ATP8B4: variants seen among roughly 807,000 people sequenced by gnomAD.
The protein encoded by ATP8B4 is probable phospholipid-transporting ATPase IM.
In ATP8B4, 133 loss-of-function variants were observed where a neutral mutation model predicts 145.6. The observed-to-expected ratio is 0.91, with a 90% CI of 0.79 to 1.05. ATP8B4 has a LOEUF of 1.05. ATP8B4 is among the 50% of genes least tolerant of loss of function. The pLI, the probability that ATP8B4 is intolerant of heterozygous loss-of-function variation, is 0.00. For synonymous variants in ATP8B4, 507 were observed against 492.9 expected (o/e 1.03, Z -0.38); for missense variants, 1,458 against 1,425.2 (o/e 1.02, Z -0.37).
chr15:50,063,955 T>C (rs928656236), intron 3 of ATP8B4, among the ~76,000 whole-genome samples: 2 of 151,964 alleles, frequency 1.3e-5, no homozygotes, highest in Non-Finnish European at 2.9e-5. Flanking sequence ...GATGGAAAAA[T>C]TACCTAATGA....
chr15:49,883,428 T>C (rs1005354215), intron 23 of ATP8B4: 2 of 152,096 alleles, frequency 1.3e-5, no homozygotes, highest in Non-Finnish European at 2.9e-5. Context: ...AAAATCAGAG[T>C]AAGGTTTCAA....
chr15:49,972,422 T>C (rs538651684), intron 13 of ATP8B4, among the ~76,000 whole-genome samples, 160 bp downstream of exon 13: 1 of 152,304 alleles, frequency 6.6e-6, no homozygotes, highest in South Asian at 2.1e-4. Flanking sequence ...GAATTTATCA[T>C]CTGCCAAGCA....
chr15:49,960,011 A>T (rs1445061847), intron 14 of ATP8B4, among the ~76,000 whole-genome samples: 1 of 150,840 alleles, frequency 6.6e-6, no homozygotes, highest in Non-Finnish European at 1.5e-5. Flanking sequence ...TAGAGCCTTG[A>T]GCCTTGTCAA....
intron 25 of ATP8B4, among the ~76,000 whole-genome samples, chr15:49,875,912 G>A (rs1443639112): frequency 6.6e-6 from 1 of 152,034 alleles, no homozygotes; most frequent in African/African-American, 2.4e-5. Flanking sequence ...TTTAAAACCT[G>A]GCAGTTATTA....
At chr15:50,085,141 T>C (rs2054814988) in intron 2 of ATP8B4, among the ~76,000 whole-genome samples, 1 of 152,102 alleles carries the variant, frequency 6.6e-6, no homozygotes, top group Admixed American at 6.5e-5. Flanking sequence ...ATCTACCCCA[T>C]TACCTCCCTG....
chr15:50,058,314 A>G (rs1213236562), intron 3 of ATP8B4, among the ~76,000 whole-genome samples: 1 of 152,172 alleles, frequency 6.6e-6, no homozygotes, highest in Admixed American at 6.5e-5. Context: ...GGCTTGTTCA[A>G]GCCCATTTCC....
At chr15:50,133,923 C>A (rs1179684203) in intron 1 of ATP8B4, among the ~76,000 whole-genome samples, 4 of 151,998 alleles carry the variant, frequency 2.6e-5, no homozygotes, top group African/African-American at 7.2e-5. Flanking sequence ...ATCGCTGAGG[C>A]CAGGAGCTTA....
intron 6 of ATP8B4, among the ~76,000 whole-genome samples, chr15:50,031,086 A>T (rs1187162054): frequency 5.3e-5 from 8 of 152,226 alleles, no homozygotes; most frequent in African/African-American, 1.9e-4. Context: ...GTTTTGAAGC[A>T]CTATTACTGT....
chr15:49,870,720 G>A (rs534806928), intron 25 of ATP8B4, among the ~76,000 whole-genome samples: 3 of 152,272 alleles, frequency 2.0e-5, no homozygotes, highest in African/African-American at 7.2e-5. Context: ...TAGCATCCAT[G>A]GTTACAAACA....
chr15:50,043,910 G>A (rs545817139), intron 5 of ATP8B4, among the ~76,000 whole-genome samples: 6 of 146,856 alleles, frequency 4.1e-5, no homozygotes, highest in South Asian at 2.1e-4. Flanking sequence ...CCGAGATTGC[G>A]CCACTGCAGT....
At chr15:50,170,586 A>C (rs1276933242) in intron 1 of ATP8B4, among the ~76,000 whole-genome samples, 1 of 150,406 alleles carries the variant, frequency 6.6e-6, no homozygotes, top group Non-Finnish European at 1.5e-5. Context: ...TCTTTAAAGC[A>C]TAAATCACAC....
intron 2 of ATP8B4, among the ~76,000 whole-genome samples, chr15:50,096,502 G>A (rs1015215796): frequency 6.6e-6 from 1 of 152,096 alleles, no homozygotes; most frequent in Non-Finnish European, 1.5e-5. Flanking sequence ...TCTGCACTAC[G>A]ACTATGGGAG....
Position 49,947,437 on chromosome 15 carries a change from C to CAAA in ATP8B4, c.1288-13258_1288-13256dup, listed in dbSNP as rs35281379. The stretch of plus-strand genomic sequence containing the variant: ...CTGGCGACAGAGTGAGACTCTGTCT[C>CAAA]AAAAAAAAAAAAAAAAAAGAAAACA... On this transcript the variant is annotated intron_variant, in intron 14 of 27. Transcript: ENST00000284509. 4.5e-4 allele frequency among the ~76,000 whole-genome samples: 40 copies of CAAA among 88,946 alleles called. 1 individual carries two copies. Among genetic ancestry groups the CAAA allele is most frequent in the East Asian group, 1.5e-3 (4 of 2,742 alleles). The allele number at this position is 88,946 out of a possible 152,430, so 58.4% of individuals were successfully genotyped here.
chr15:50,128,506 G>T (rs2057321794), intron 1 of ATP8B4, among the ~76,000 whole-genome samples: 1 of 152,214 alleles, frequency 6.6e-6, no homozygotes, highest in South Asian at 2.1e-4. Flanking sequence ...AGAATCCAGA[G>T]GACCTGGCAT....
intron 9 of ATP8B4, among the ~76,000 whole-genome samples, chr15:49,994,409 C>T (rs1567162957): frequency 6.6e-6 from 1 of 152,010 alleles, no homozygotes. Flanking sequence ...TCTCGGCCCC[C>T]CAATGGGATT....
chr15:50,142,275 A>G (rs1304571649), intron 1 of ATP8B4, among the ~76,000 whole-genome samples: 1 of 152,156 alleles, frequency 6.6e-6, no homozygotes, highest in African/African-American at 2.4e-5. Context: ...TTTTATGTTC[A>G]TTTTTTATGA....
intron 2 of ATP8B4, among the ~76,000 whole-genome samples, chr15:50,102,533 G>C (rs2056428346): frequency 6.6e-6 from 1 of 151,998 alleles, no homozygotes; most frequent in Non-Finnish European, 1.5e-5. Context: ...AACCCTCCTA[G>C]ATTAAACCGG....
intron 13 of ATP8B4, among the ~76,000 whole-genome samples, chr15:49,966,225 GT>G (rs149645444): frequency 2.6e-5 from 4 of 152,212 alleles, no homozygotes; most frequent in South Asian, 4.1e-4. Context: ...AGCTGCAGGA[GT>G]TTTTTTTCAT....
upstream of ATP8B4, among the ~76,000 whole-genome samples, chr15:50,122,281 CT>C (rs778659926): frequency 1.3e-5 from 2 of 152,108 alleles, no homozygotes; most frequent in Non-Finnish European, 2.9e-5. Flanking sequence ...CTGCTAGACA[CT>C]TTGTGGGACA....
Sources: gnomAD v4.1 joint callset for allele counts (sites outside exome capture counted in the v4.1 genomes callset) on GRCh38, gnomAD v4.1.1 for gene constraint, MANE v1.5 for transcripts, NCBI Gene and HGNC (gene_info 2026-07-23, HGNC 2026-07-21) for gene names.